Variants in RPRD1A observed in about 807,000 individuals in gnomAD.
RPRD1A encodes the protein regulation of nuclear pre-mRNA domain containing 1A.
Under a neutral mutation model 37.8 loss-of-function variants are expected in RPRD1A, and 9 were observed. That is an observed-to-expected ratio of 0.24 (90% confidence interval 0.14 to 0.42). The LOEUF is 0.42. RPRD1A is among the 10% of genes least tolerant of loss of function. The pLI, the probability that RPRD1A is intolerant of heterozygous loss-of-function variation, is 1.00. For synonymous variants in RPRD1A, 138 were observed against 139.7 expected (o/e 0.99, Z 0.08); for missense variants, 255 against 371.0 (o/e 0.69, Z 2.57).
Position 36,033,753 on chromosome 18 carries a change from T to A in RPRD1A, c.236A>T (p.Lys79Ile). 1 of 1,613,544 alleles carries A rather than the reference T, an allele frequency of 6.2e-7. No individual in the cohort carries two copies. The highest frequency in any genetic ancestry group is 8.5e-7 in the Non-Finnish European group (1 of 1,179,680). The stretch of plus-strand genomic sequence containing the variant: ...CTCCACTATAACTGGTGCAAAATCT[T>A]TTGTAAACTCTGGCCCCTTCCTCTT... ...NSKRKGPEFT[K>I]DFAPVIVEAF... is the part of the protein sequence containing the mutation. Residue 79 changes from lysine to isoleucine, a missense_variant, in exon 2 of 7, where the codon AAA becomes ATA. This residue lies in a region of RPRD1A where 44 missense variants were observed against 102.1 expected (regional missense o/e 0.43). Coordinates refer to ENST00000399022, the MANE Select transcript of RPRD1A (RefSeq NM_018170.5).
intron 1 of RPRD1A, among the ~76,000 whole-genome samples, chr18:36,053,133 CAG>C (rs974657794): frequency 6.6e-6 from 1 of 152,068 alleles, no homozygotes; most frequent in African/African-American, 2.4e-5. Flanking sequence ...TAAAAGCACA[CAG>C]ACACATTAAA....
At chr18:36,038,031 A>G (rs1292867463) in intron 1 of RPRD1A, among the ~76,000 whole-genome samples, 1 of 152,252 alleles carries the variant, frequency 6.6e-6, no homozygotes, top group Non-Finnish European at 1.5e-5. Flanking sequence ...TAAAAGAGAA[A>G]TGGAACATAA....
intron 4 of RPRD1A, among the ~76,000 whole-genome samples, chr18:36,028,465 T>C (rs970278391): frequency 3.3e-5 from 5 of 152,212 alleles, no homozygotes; most frequent in Admixed American, 1.3e-4. Context: ...CCACAACTAA[T>C]ATATTATTTT....
At chr18:36,033,023 G>C (rs971896192) in intron 2 of RPRD1A, among the ~76,000 whole-genome samples, 1 of 152,128 alleles carries the variant, frequency 6.6e-6, no homozygotes, top group African/African-American at 2.4e-5. Flanking sequence ...ATGGAAACAG[G>C]CCAGACATGG....
rs187723882 is a variant in RPRD1A at position 36,003,722 on chromosome 18, C to T, written c.790-10422G>A. 8.3e-4 allele frequency among the ~76,000 whole-genome samples: 127 copies of T among 152,182 alleles called. 1 individual carries two copies. The highest frequency in any genetic ancestry group is 2.2e-4 in the Non-Finnish European group (15 of 68,002). ...TGCTCTTTGATATAATTAAGAGGTT[C>T]GTATTTTAGTTAAACTTCTTCAATG... On this transcript the variant is annotated intron_variant, in intron 6 of 6. Coordinates refer to ENST00000399022, the MANE Select transcript of RPRD1A (RefSeq NM_018170.5).
At chr18:36,048,283 C>T (rs1344832282) in intron 1 of RPRD1A, among the ~76,000 whole-genome samples, 1 of 152,050 alleles carries the variant, frequency 6.6e-6, no homozygotes, top group Non-Finnish European at 1.5e-5. Context: ...TCAGGTGGGT[C>T]TCAAACTCCC....
chr18:36,019,514 A>T (rs1910845842), intron 6 of RPRD1A, among the ~76,000 whole-genome samples: 1 of 152,202 alleles, frequency 6.6e-6, no homozygotes, highest in African/African-American at 2.4e-5. Context: ...ATCATCTTAT[A>T]AGCCAGGTAG....
chr18:36,026,684 A>C, intron 6 of RPRD1A: 1 of 404,960 alleles, frequency 2.5e-6, no homozygotes. Context: ...AAATGCAATC[A>C]ATTTTGCTAA....
At chr18:36,000,872 T>G (rs147242271) in intron 6 of RPRD1A, among the ~76,000 whole-genome samples, 4 of 152,282 alleles carry the variant, frequency 2.6e-5, no homozygotes, top group Admixed American at 1.3e-4. Flanking sequence ...CTAACCTCCC[T>G]CTCATATCCT....
At position 35,993,312 on chromosome 18, in the gene RPRD1A, A is replaced by G. The variant is rs765335075; in HGVS notation, c.790-12T>C. On this transcript the variant is annotated splice_polypyrimidine_tract_variant and intron_variant, in intron 6 of 6. Transcript: ENST00000399022. ...TTGCGCTTGTACTCCTGTAACATCA[A>G]ACCACTTTCATTAGCATTCAGGGAT... 6.2e-7 allele frequency: 1 copy of G among 1,613,718 alleles called. No individual in the cohort carries two copies. The highest frequency in any genetic ancestry group is 8.5e-7 in the Non-Finnish European group (1 of 1,179,858).
chr18:36,002,629 T>C (rs928963236), intron 6 of RPRD1A, among the ~76,000 whole-genome samples: 1 of 152,198 alleles, frequency 6.6e-6, no homozygotes, highest in Non-Finnish European at 1.5e-5. Context: ...TCTTGCATTG[T>C]ACCTACTTTT....
chr18:36,061,543 G>A lies in RPRD1A; in HGVS notation c.151+5711C>T, dbSNP rs529492290. The stretch of plus-strand genomic sequence containing the variant: ...TGTGTAGAAAAGAGCCCAAATGTTA[G>A]TGTTGGTTTCTAAGTTCAGGTATGT... On this transcript the variant is annotated intron_variant, in intron 1 of 6. Coordinates refer to ENST00000399022, the MANE Select transcript of RPRD1A (RefSeq NM_018170.5). Among the ~76,000 whole-genome samples, 10 of 152,302 alleles carry A rather than the reference G, an allele frequency of 6.6e-5. No individual in the cohort carries two copies. In the South Asian group the frequency reaches 1.0e-3, roughly 16 times the overall value.
At chr18:36,045,594 T>A (rs1298540069) in intron 1 of RPRD1A, among the ~76,000 whole-genome samples, 1 of 152,250 alleles carries the variant, frequency 6.6e-6, no homozygotes, top group Non-Finnish European at 1.5e-5. Flanking sequence ...AATTTCTAAT[T>A]CTTCCAGAAA....
chr18:35,993,217 T>C lies in RPRD1A; in HGVS notation c.873A>G (p.Arg291=). 6.2e-7 allele frequency: 1 copy of C among 1,614,174 alleles called. No homozygotes were observed. Among genetic ancestry groups the C allele is most frequent in the Non-Finnish European group, 8.5e-7 (1 of 1,180,012 alleles). The change falls in exon 7 of 7, where the codon CGA becomes CGG. Residue 291 remains arginine (R), a synonymous_variant. Transcript: ENST00000399022. ...SRIQSLPDLS[R]LPNVTGSHMH... The stretch of plus-strand genomic sequence containing the variant: ...TGTGGCTGCCAGTGACATTGGGCAA[T>C]CGAGATAAGTCTGGCAGGCTCTGGA...
intron 6 of RPRD1A, among the ~76,000 whole-genome samples, chr18:36,014,679 C>T (rs1199615730): frequency 1.3e-5 from 2 of 152,060 alleles, no homozygotes; most frequent in Admixed American, 1.3e-4. Context: ...GGAGGCAGAG[C>T]TTGCAGTGAG....
intron 1 of RPRD1A, among the ~76,000 whole-genome samples, chr18:36,044,642 G>A (rs1266770755): frequency 6.6e-6 from 1 of 151,408 alleles, no homozygotes; most frequent in African/African-American, 2.4e-5. Context: ...GAGCCAAGAT[G>A]ACACCACCGC....
intron 6 of RPRD1A, among the ~76,000 whole-genome samples, chr18:36,004,759 T>C (rs1311618994): frequency 3.3e-5 from 5 of 152,070 alleles, no homozygotes; most frequent in African/African-American, 1.2e-4. Context: ...AGAAATTAGC[T>C]GGGCGCGGTG....
chr18:36,044,265 T>C (rs182532732), intron 1 of RPRD1A, among the ~76,000 whole-genome samples: 3 of 152,160 alleles, frequency 2.0e-5, no homozygotes, highest in East Asian at 1.9e-4. Context: ...AAAATTCACA[T>C]AGAAGTGGAC....
intron 6 of RPRD1A, among the ~76,000 whole-genome samples, chr18:36,007,547 A>G (rs1909823085): frequency 1.3e-5 from 2 of 152,236 alleles, no homozygotes; most frequent in Admixed American, 6.5e-5. Flanking sequence ...GCAAAAGAAT[A>G]TAACTGTTAC....
Sources: allele counts gnomAD v4.1 joint callset (sites outside exome capture counted in the v4.1 genomes callset), GRCh38; gene constraint gnomAD v4.1.1; regional missense constraint gnomAD v4.1.1; transcripts MANE v1.5; gene names NCBI Gene and HGNC (gene_info 2026-07-23, HGNC 2026-07-21).